Variants in KLHL8 observed in about 807,000 individuals in gnomAD.
The protein encoded by KLHL8 is kelch-like protein 8.
Under a neutral mutation model 63.5 loss-of-function variants are expected in KLHL8, and 38 were observed. That is an observed-to-expected ratio of 0.60 (90% CI 0.46 to 0.78). The LOEUF is 0.78. Ranked by LOEUF, KLHL8 falls within the 30% of genes least tolerant of loss-of-function variation. KLHL8 has a pLI of 0.00. For synonymous variants in KLHL8, 224 were observed against 254.3 expected (o/e 0.88, Z 1.13); for missense variants, 566 against 752.4 (o/e 0.75, Z 2.90).
rs774793036 is a variant in KLHL8 at position 87,185,459 on chromosome 4, T to C, written c.557A>G (p.Asp186Gly). The change falls in exon 3 of 10, where the codon GAC becomes GGC. Residue 186 changes from aspartate to glycine, a missense_variant. By Grantham distance (94) the Asp-to-Gly change is moderately conservative. Coordinates refer to ENST00000273963, the MANE Select transcript of KLHL8 (RefSeq NM_020803.5). ...GTCACAGGCATACTGATCCGCCATG[T>C]CCATTAAGTCTATTCGATTGTGACT... ...AESHNRIDLM[D>G]MADQYACDHF... The C allele has an allele frequency of 1.2e-6, 2 of 1,614,178 alleles. No homozygotes were observed. Among genetic ancestry groups the C allele is most frequent in the Non-Finnish European group, 1.7e-6 (2 of 1,180,026 alleles).
chr4:87,167,488 G>T, intron 8 of KLHL8: 1 of 528,044 alleles, frequency 1.9e-6, no homozygotes, highest in East Asian at 5.1e-5. Context: ...GAAAGAGGAG[G>T]CTGGGAGCAA....
chr4:87,220,142 C>G (rs1218619750), intron 1 of KLHL8: 1 of 152,552 alleles, frequency 6.6e-6, no homozygotes, highest in Non-Finnish European at 1.5e-5. Flanking sequence ...GGAGCATAAC[C>G]CTGCTCCTCC....
chr4:87,213,774 C>T (rs1160519883), intron 1 of KLHL8, among the ~76,000 whole-genome samples: 2 of 152,198 alleles, frequency 1.3e-5, no homozygotes, highest in African/African-American at 4.8e-5. Context: ...TACAGTAGCA[C>T]ATTTTGCTAT....
chr4:87,196,340 G>C (rs143992406), intron 1 of KLHL8, among the ~76,000 whole-genome samples: 22 of 152,162 alleles, frequency 1.4e-4, no homozygotes, highest in African/African-American at 4.3e-4. Context: ...TAAAACACTA[G>C]TATAGCTGCC....
At chr4:87,237,107 T>C (rs1402799818) in intron 1 of KLHL8, among the ~76,000 whole-genome samples, 1 of 152,198 alleles carries the variant, frequency 6.6e-6, no homozygotes, top group East Asian at 1.9e-4. Flanking sequence ...AGCAGCCATG[T>C]TCCCAGATGA....
intron 1 of KLHL8, among the ~76,000 whole-genome samples, chr4:87,235,815 G>C (rs1733216142): frequency 6.6e-6 from 1 of 152,064 alleles, no homozygotes; most frequent in Non-Finnish European, 1.5e-5. Flanking sequence ...ACCTTTCAAT[G>C]ACTTGGCACC....
chr4:87,174,103 C>A (rs950030363), intron 6 of KLHL8, among the ~76,000 whole-genome samples: 2 of 151,938 alleles, frequency 1.3e-5, no homozygotes, highest in Non-Finnish European at 2.9e-5. Context: ...GTCATTTTTG[C>A]AGAATGGTGC....
chr4:87,164,092 A>G lies in KLHL8; in HGVS notation c.1538-13T>C. On this transcript the variant is annotated splice_polypyrimidine_tract_variant and intron_variant, in intron 8 of 9. Coordinates refer to ENST00000273963, the MANE Select transcript of KLHL8 (RefSeq NM_020803.5). ...TCATCAAAACCACCTATGTAAAGAA[A>G]TATTTTAAAAACAGCATTACATTCC... is the stretch of plus-strand genomic sequence containing the variant. The G allele has an allele frequency of 1.9e-6, 3 of 1,605,848 alleles. No individual in the cohort carries two copies. Among genetic ancestry groups the G allele is most frequent in the Non-Finnish European group, 1.7e-6 (2 of 1,172,494 alleles).
chr4:87,186,534 C>G (rs2109996248), intron 2 of KLHL8, among the ~76,000 whole-genome samples: 1 of 150,092 alleles, frequency 6.7e-6, no homozygotes, highest in East Asian at 2.0e-4. Context: ...GGCTGGAGTG[C>G]AGTGACGTGA....
intron 1 of KLHL8, among the ~76,000 whole-genome samples, chr4:87,204,744 G>A (rs898995771): frequency 3.9e-5 from 6 of 152,182 alleles, no homozygotes; most frequent in African/African-American, 1.4e-4. Flanking sequence ...CCATTTATAT[G>A]ATATCCTCAA....
intron 1 of KLHL8, among the ~76,000 whole-genome samples, chr4:87,229,033 C>T (rs180878820): frequency 2.6e-5 from 4 of 152,326 alleles, no homozygotes; most frequent in Admixed American, 1.3e-4. Context: ...ATTATAATTG[C>T]ATTTCTTTTT....
rs897898508 is a variant in KLHL8 at position 87,164,888 on chromosome 4, C to G, written c.1538-809G>C. Among the ~76,000 whole-genome samples the G allele has an allele frequency of 6.6e-5, 10 of 152,116 alleles. No homozygotes were observed. The East Asian group carries it at 1.9e-3, about 29-fold the overall frequency. On this transcript the variant is annotated intron_variant, in intron 8 of 9. Transcript: ENST00000273963. ...CAGAGGCCGGGCGCGGTGGCTCACG[C>G]CTGTAATCCCAGCACTTTGGGAGGC...
rs1730840578 is a variant in KLHL8 at position 87,176,879 on chromosome 4, G to C, written c.1097-11C>G. The C allele has an allele frequency of 1.4e-6, 2 of 1,422,254 alleles. No homozygotes were observed. Among genetic ancestry groups the C allele is most frequent in the East Asian group, 2.3e-5 (1 of 43,372 alleles). The allele number at this position is 1,422,254 out of a possible 1,614,324, so 88.1% of individuals were successfully genotyped here. A position where few individuals can be genotyped will look rare whatever the true frequency, so the allele number is the denominator to read the frequency against. On this transcript the variant is annotated splice_polypyrimidine_tract_variant and intron_variant, in intron 5 of 9. Transcript: ENST00000273963. ...CTGCATACACTTTACCTGTCAAATA[G>C]AGAAGTATTTTCATTTGACTCCAAA... is the stretch of plus-strand genomic sequence containing the variant.
upstream of KLHL8, among the ~76,000 whole-genome samples, chr4:87,224,266 T>G (rs962400303): frequency 3.3e-5 from 5 of 152,070 alleles, no homozygotes; most frequent in Admixed American, 6.6e-5. Context: ...GCATTTTAAG[T>G]CTTTATCTTT....
In KLHL8 at chr4:87,176,857, C is replaced by A; in HGVS notation, c.1108G>T (p.Ala370Ser). Residue 370 changes from alanine to serine, a missense_variant, in exon 6 of 10, where the codon GCA becomes TCA. Coordinates refer to ENST00000273963, the MANE Select transcript of KLHL8 (RefSeq NM_020803.5). ...GVISVEGKVY[A>S]VGGHDGNEHL... ...TCATTTCCATCATGTCCACCTACTGCATACACTTTACCTGTCAAATAGAGA... is the reference window on the plus strand; with the variant it reads ...TCATTTCCATCATGTCCACCTACTGAATACACTTTACCTGTCAAATAGAGA... 6.3e-7 allele frequency: 1 copy of A among 1,586,998 alleles called. No homozygotes were observed. The highest frequency in any genetic ancestry group is 1.1e-5 in the South Asian group (1 of 87,840).
At chr4:87,191,357 T>C (rs1347730999) in intron 2 of KLHL8, among the ~76,000 whole-genome samples, 2 of 152,064 alleles carry the variant, frequency 1.3e-5, no homozygotes, top group Admixed American at 1.3e-4. Context: ...TAGTCTCAGC[T>C]ACTCAGGGGG....
intron 1 of KLHL8, among the ~76,000 whole-genome samples, chr4:87,208,807 GA>G (rs1732269254): frequency 6.6e-6 from 1 of 152,158 alleles, no homozygotes; most frequent in South Asian, 2.1e-4. Context: ...TCTATCTAGT[GA>G]AAGTTTTATT....
At chr4:87,170,896 TAA>T (rs753392926) in intron 6 of KLHL8, among the ~76,000 whole-genome samples, 19 of 152,096 alleles carry the variant, frequency 1.2e-4, no homozygotes, top group Non-Finnish European at 2.1e-4. Flanking sequence ...CAAAATAGTA[TAA>T]AAGAGTTCAA....
At chr4:87,171,927 T>TC (rs1560692336) in intron 6 of KLHL8, among the ~76,000 whole-genome samples, 1 of 152,182 alleles carries the variant, frequency 6.6e-6, no homozygotes, top group Admixed American at 6.5e-5. Flanking sequence ...CTACCTCAAA[T>TC]ATGTCTTGCT....
Sources: gnomAD v4.1 joint callset for allele counts (sites outside exome capture counted in the v4.1 genomes callset) on GRCh38, gnomAD v4.1.1 for gene constraint, MANE v1.5 for transcripts, NCBI Gene and HGNC (gene_info 2026-07-23, HGNC 2026-07-21) for gene names.